The following ESRRG variants were observed in gnomAD, a reference collection of about 807,000 sequenced individuals.
The protein encoded by ESRRG is estrogen-related receptor gamma.
A neutral mutation model predicts 44.0 loss-of-function variants in ESRRG; 13 were observed. The ratio of observed to expected loss-of-function variants is 0.30; its 90% CI spans 0.19 to 0.47. The LOEUF is 0.47. ESRRG is among the 20% of genes least tolerant of loss of function. The pLI is 1.00. For synonymous variants in ESRRG, 215 were observed against 214.6 expected (o/e 1.00, Z -0.02); for missense variants, 395 against 580.6 (o/e 0.68, Z 3.29).
chr1:216,592,428 C>T (rs550847441), intron 3 of ESRRG, among the ~76,000 whole-genome samples: 1 of 152,098 alleles, frequency 6.6e-6, no homozygotes, highest in East Asian at 1.9e-4. Context: ...TTTTCTTTTT[C>T]CACACCTCTT....
At chr1:216,518,922 T>C (rs191751483) in intron 6 of ESRRG, among the ~76,000 whole-genome samples, 1 of 152,310 alleles carries the variant, frequency 6.6e-6, no homozygotes, top group East Asian at 1.9e-4. Flanking sequence ...GTACATGCAT[T>C]AGTTGATAAA....
intron 1 of ESRRG, among the ~76,000 whole-genome samples, chr1:217,131,055 C>T (rs1005029031): frequency 4.3e-4 from 66 of 152,148 alleles, no homozygotes; most frequent in Non-Finnish European, 1.5e-4. Flanking sequence ...TAAACACATA[C>T]TTGTTAAAGC....
intron 2 of ESRRG, among the ~76,000 whole-genome samples, chr1:216,657,189 A>G (rs1342269278): frequency 2.0e-5 from 3 of 152,184 alleles, no homozygotes; most frequent in Non-Finnish European, 4.4e-5. Flanking sequence ...AGAGAAAATA[A>G]TACTATCTAT....
At chr1:216,940,759 C>T (rs889864291) in intron 1 of ESRRG, among the ~76,000 whole-genome samples, 2 of 152,052 alleles carry the variant, frequency 1.3e-5, no homozygotes, top group Middle Eastern at 3.2e-3. Context: ...ATAGCTTTCC[C>T]GCTTTCTTTC....
intron 1 of ESRRG, among the ~76,000 whole-genome samples, chr1:216,706,730 T>C (rs1019233627): frequency 3.3e-5 from 5 of 152,250 alleles, no homozygotes; most frequent in African/African-American, 1.2e-4. Flanking sequence ...CCTGATACCA[T>C]GATTTTAATC....
intron 2 of ESRRG, among the ~76,000 whole-genome samples, chr1:216,813,179 A>C (rs1576828726): frequency 6.6e-6 from 1 of 152,144 alleles, no homozygotes; most frequent in Non-Finnish European, 1.5e-5. Flanking sequence ...ACTCAGATAC[A>C]TTCGTCTGTT....
At chr1:216,687,717 T>C (rs2078281083) in intron 1 of ESRRG, among the ~76,000 whole-genome samples, 1 of 152,200 alleles carries the variant, frequency 6.6e-6, no homozygotes, top group South Asian at 2.1e-4. Context: ...AGGCATGAAG[T>C]GGTTCTGCCA....
intron 5 of ESRRG, among the ~76,000 whole-genome samples, chr1:216,549,558 T>C (rs1340907233): frequency 2.0e-5 from 3 of 152,056 alleles, no homozygotes; most frequent in Non-Finnish European, 4.4e-5. Context: ...ATCCATACAA[T>C]TATATTTATT....
At chr1:216,977,643 T>C (rs1390555550) in intron 1 of ESRRG, among the ~76,000 whole-genome samples, 1 of 152,144 alleles carries the variant, frequency 6.6e-6, no homozygotes, top group African/African-American at 2.4e-5. Flanking sequence ...GCATTCTTTC[T>C]TCTAGGCACC....
At chr1:216,710,202 A>G (rs934191706) in intron 1 of ESRRG, among the ~76,000 whole-genome samples, 1 of 152,170 alleles carries the variant, frequency 6.6e-6, no homozygotes, top group African/African-American at 2.4e-5. Context: ...ACTTCGGTTC[A>G]GTGTTAATCC....
chr1:216,980,855 A>T (rs2073842332), intron 1 of ESRRG, among the ~76,000 whole-genome samples: 1 of 152,204 alleles, frequency 6.6e-6, no homozygotes, highest in South Asian at 2.1e-4. Context: ...CTTCAGCAAT[A>T]TAGAACTAAT....
intron 2 of ESRRG, among the ~76,000 whole-genome samples, chr1:216,749,855 G>T (rs2152287227): frequency 6.6e-6 from 1 of 152,192 alleles, no homozygotes; most frequent in Non-Finnish European, 1.5e-5. Context: ...CAAAAAATAA[G>T]TATAATGAAG....
chr1:216,733,760 G>C (rs1012162804), intron 2 of ESRRG, among the ~76,000 whole-genome samples: 1 of 152,010 alleles, frequency 6.6e-6, no homozygotes, highest in Non-Finnish European at 1.5e-5. Context: ...GGAGCCTGAG[G>C]GGGGCGGATC....
intron 1 of ESRRG, among the ~76,000 whole-genome samples, chr1:217,051,210 G>GGGGA (rs2085944877): frequency 9.0e-6 from 1 of 110,672 alleles, no homozygotes; most frequent in Non-Finnish European, 2.0e-5. Context: ...GGGGCGGGGG[G>GGGGA]GGGGGGTGCC....
rs78965502 is a variant in ESRRG, at chr1:216,690,785, A to G, written c.57-13294T>C. Among the ~76,000 whole-genome samples the G allele has an allele frequency of 9.1e-3, 1,386 of 152,188 alleles. 22 individuals carry two copies. The highest frequency in any genetic ancestry group is 0.031 in the African/African-American group (1,288 of 41,524). ...ACACAATGGACTAGGGAAGTGAGAG[A>G]ACTTTAAAGGACTCCCAGAATTACA... On this transcript the variant is annotated intron_variant, in intron 1 of 6. Coordinates refer to ENST00000408911, the MANE Select transcript of ESRRG (RefSeq NM_001438.4).
chr1:216,914,266 G>A (rs148048467), intron 2 of ESRRG, among the ~76,000 whole-genome samples: 2 of 152,224 alleles, frequency 1.3e-5, no homozygotes, highest in Non-Finnish European at 2.9e-5. Flanking sequence ...GTTTCCTGAA[G>A]AGGAAAATTC....
At chr1:216,717,689 A>C (rs1397557739) in intron 1 of ESRRG, among the ~76,000 whole-genome samples, 2 of 151,874 alleles carry the variant, frequency 1.3e-5, no homozygotes, top group African/African-American at 4.8e-5. Flanking sequence ...AAGTAAATTC[A>C]CAGACTTCTA....
At chr1:216,606,452 A>G (rs1039866076) in intron 3 of ESRRG, among the ~76,000 whole-genome samples, 1 of 152,138 alleles carries the variant, frequency 6.6e-6, no homozygotes, top group African/African-American at 2.4e-5. Context: ...TTCTCTATGG[A>G]TTCTCTGGGA....
chr1:216,973,926 G>A (rs563982394), intron 1 of ESRRG, among the ~76,000 whole-genome samples: 5 of 150,334 alleles, frequency 3.3e-5, no homozygotes, highest in South Asian at 2.1e-4. Flanking sequence ...ACCCATAAGC[G>A]TATCCCTGGT....
Sources: gnomAD v4.1 joint callset for allele counts (sites outside exome capture counted in the v4.1 genomes callset) on GRCh38, gnomAD v4.1.1 for gene constraint, MANE v1.5 for transcripts, NCBI Gene and HGNC (gene_info 2026-07-23, HGNC 2026-07-21) for gene names.